GALNT13: variants seen among roughly 807,000 people sequenced by gnomAD.
GALNT13 encodes polypeptide N-acetylgalactosaminyltransferase 13.
A neutral mutation model predicts 64.2 loss-of-function variants in GALNT13; 28 were observed. The observed-to-expected ratio is 0.44, with a 90% confidence interval of 0.32 to 0.60. GALNT13 has a LOEUF of 0.60. GALNT13 is among the 20% of genes least tolerant of loss of function. GALNT13 has a pLI of 0.05. For synonymous variants in GALNT13, 214 were observed against 224.6 expected (o/e 0.95, Z 0.42); for missense variants, 577 against 669.8 (o/e 0.86, Z 1.53).
the GALNT13 span, among the ~76,000 whole-genome samples, chr2:153,635,105 A>C: frequency 6.6e-6 from 1 of 152,076 alleles, no homozygotes; most frequent in African/African-American, 2.4e-5. Context: ...GGGAAAAAAA[A>C]ACCACTTTCT....
At chr2:154,051,776 A>G (rs1020095349) in intron 3 of GALNT13, among the ~76,000 whole-genome samples, 12 of 152,198 alleles carry the variant, frequency 7.9e-5, no homozygotes, top group African/African-American at 2.9e-4. Context: ...CTAGATAAAC[A>G]TATTGTAAAT....
At chr2:153,470,958 A>T in the GALNT13 span, among the ~76,000 whole-genome samples, 2,692 of 152,276 alleles carry the variant, frequency 0.018, 34 homozygotes, top group Non-Finnish European at 0.028. Flanking sequence ...CGAGATATTC[A>T]TTTGGAGCAC....
the GALNT13 span, among the ~76,000 whole-genome samples, chr2:153,363,245 G>T: frequency 1.3e-5 from 2 of 152,086 alleles, no homozygotes; most frequent in Non-Finnish European, 2.9e-5. Flanking sequence ...TGTTAACAGG[G>T]AAGTTTATAC....
At chr2:153,733,261 C>T in the GALNT13 span, among the ~76,000 whole-genome samples, 4 of 152,068 alleles carry the variant, frequency 2.6e-5, no homozygotes, top group African/African-American at 9.7e-5. Flanking sequence ...TATAGATAAT[C>T]TCAGTTCTTC....
the GALNT13 span, among the ~76,000 whole-genome samples, chr2:153,614,159 C>A: frequency 6.6e-5 from 10 of 151,704 alleles, no homozygotes; most frequent in East Asian, 1.7e-3. Flanking sequence ...CTCTAAAAAC[C>A]CAATGTCTAG....
At chr2:153,123,452 G>A in the GALNT13 span, among the ~76,000 whole-genome samples, 1 of 152,138 alleles carries the variant, frequency 6.6e-6, no homozygotes, top group African/African-American at 2.4e-5. Context: ...CCAGAAACAA[G>A]TAAAGGACAA....
At chr2:153,479,958 T>C in the GALNT13 span, among the ~76,000 whole-genome samples, 124 of 152,326 alleles carry the variant, frequency 8.1e-4, no homozygotes, top group Non-Finnish European at 1.6e-3. Context: ...TCCCTCTTTC[T>C]TTCAGCTGTA....
intron 4 of GALNT13, among the ~76,000 whole-genome samples, chr2:154,179,220 TATGGTTA>T (rs1407856997): frequency 3.5e-4 from 53 of 152,182 alleles, no homozygotes; most frequent in Admixed American, 3.5e-3. Flanking sequence ...TATAGTTTAT[TATGGTTA>T]ATTTTACCTG....
At chr2:154,221,157 A>G (rs1688304432) in intron 4 of GALNT13, among the ~76,000 whole-genome samples, 2 of 152,066 alleles carry the variant, frequency 1.3e-5, no homozygotes, top group East Asian at 1.9e-4. Context: ...TTGTCAGTCA[A>G]TTAACTTAGC....
the GALNT13 span, among the ~76,000 whole-genome samples, chr2:153,725,574 G>C: frequency 2.6e-5 from 4 of 151,860 alleles, no homozygotes; most frequent in Non-Finnish European, 5.9e-5. Context: ...GCTTTTAAAT[G>C]ATAAATGGAT....
chr2:154,187,574 T>C (rs953938652), intron 4 of GALNT13, among the ~76,000 whole-genome samples: 1 of 152,094 alleles, frequency 6.6e-6, no homozygotes, highest in Non-Finnish European at 1.5e-5. Context: ...GTACATTTAT[T>C]AGCATGTAAG....
rs1036494506 is a variant in GALNT13, at chr2:154,139,590, T to C, written c.143-747T>C. On this transcript the variant is annotated intron_variant, in intron 3 of 12. Transcript: ENST00000392825. ...CAACTGGCACTTTGTCTTATTACTA[T>C]ATATTAGCATGCATACAGGTATGTG... 2.7e-5 allele frequency among the ~76,000 whole-genome samples: 4 copies of C among 150,522 alleles called. No homozygotes were observed. In the South Asian group the frequency reaches 8.5e-4, roughly 32 times the overall value.
At chr2:153,310,036 C>A in the GALNT13 span, among the ~76,000 whole-genome samples, 1 of 152,256 alleles carries the variant, frequency 6.6e-6, no homozygotes, top group African/African-American at 2.4e-5. Flanking sequence ...GTTTTTGCAG[C>A]AAATCTAATA....
the GALNT13 span, among the ~76,000 whole-genome samples, chr2:153,410,091 C>T: frequency 6.6e-6 from 1 of 152,140 alleles, no homozygotes; most frequent in South Asian, 2.1e-4. Context: ...AATGAAAATG[C>T]TTTGTTGTTG....
chr2:154,084,893 A>C (rs1277529880), intron 3 of GALNT13, among the ~76,000 whole-genome samples: 1 of 151,902 alleles, frequency 6.6e-6, no homozygotes. Flanking sequence ...TAAGAAGGAA[A>C]TTTCTATATT....
chr2:153,838,456 G>T, the GALNT13 span, among the ~76,000 whole-genome samples: 1 of 151,610 alleles, frequency 6.6e-6, no homozygotes, highest in Non-Finnish European at 1.5e-5. Flanking sequence ...AATTTTATTG[G>T]ATATAACCAA....
At chr2:154,113,642 AC>A (rs1317241400) in intron 3 of GALNT13, among the ~76,000 whole-genome samples, 1 of 152,214 alleles carries the variant, frequency 6.6e-6, no homozygotes, top group Non-Finnish European at 1.5e-5. Flanking sequence ...CAAATGTCTC[AC>A]CAATAAGTCT....
chr2:153,340,976 A>G, the GALNT13 span, among the ~76,000 whole-genome samples: 1 of 152,188 alleles, frequency 6.6e-6, no homozygotes, highest in Non-Finnish European at 1.5e-5. Flanking sequence ...GCCCAGACCT[A>G]CTGAATCGTA....
chr2:154,271,217 G>A (rs576654679), intron 8 of GALNT13, among the ~76,000 whole-genome samples: 1 of 152,024 alleles, frequency 6.6e-6, no homozygotes, highest in East Asian at 1.9e-4. Flanking sequence ...AGATTAAAAT[G>A]TAATAAAGAT....
Sources: allele counts gnomAD v4.1 joint callset (sites outside exome capture counted in the v4.1 genomes callset), GRCh38; gene constraint gnomAD v4.1.1; transcripts MANE v1.5; gene names NCBI Gene and HGNC (gene_info 2026-07-23, HGNC 2026-07-21).